The following IQCM variants were observed in gnomAD, a reference collection of about 807,000 sequenced individuals.
IQCM encodes the protein IQ motif containing M, also known as IQ domain-containing protein M.
In IQCM, 45 loss-of-function variants were observed where a neutral mutation model predicts 57.6. That is an observed-to-expected ratio of 0.78 (90% CI 0.62 to 1.00). The LOEUF (loss-of-function observed/expected upper bound fraction) is 1.00. IQCM is among the 50% of genes least tolerant of loss of function. The pLI, the probability that IQCM is intolerant of heterozygous loss-of-function variation, is 0.00. For synonymous variants in IQCM, 148 were observed against 158.9 expected (o/e 0.93, Z 0.51); for missense variants, 468 against 511.6 (o/e 0.91, Z 0.82).
intron 2 of IQCM, among the ~76,000 whole-genome samples, chr4:149,769,949 A>C (rs1770415091): frequency 6.6e-6 from 1 of 152,094 alleles, no homozygotes; most frequent in African/African-American, 2.4e-5. Context: ...TTATAGAATA[A>C]AAAGAATAGC....
intron 5 of IQCM, among the ~76,000 whole-genome samples, chr4:149,706,510 C>G (rs1378202178): frequency 6.6e-6 from 1 of 151,958 alleles, no homozygotes; most frequent in Non-Finnish European, 1.5e-5. Context: ...TTGATGTTAC[C>G]TGCTGATCTT....
chr4:149,644,202 G>C (rs1185133602), intron 7 of IQCM, among the ~76,000 whole-genome samples: 5 of 152,008 alleles, frequency 3.3e-5, no homozygotes, highest in Admixed American at 3.3e-4. Context: ...ATATAACACA[G>C]AGAAAAGCAT....
At chr4:149,545,063 A>C (rs1748253333) in intron 12 of IQCM, among the ~76,000 whole-genome samples, 2 of 152,164 alleles carry the variant, frequency 1.3e-5, no homozygotes, top group Non-Finnish European at 2.9e-5. Flanking sequence ...ACAGTTGGGC[A>C]CAGTGGCATG....
chr4:149,541,928 T>C (rs1747890070), intron 12 of IQCM, among the ~76,000 whole-genome samples: 1 of 152,110 alleles, frequency 6.6e-6, no homozygotes, highest in Non-Finnish European at 1.5e-5. Context: ...CTGGAGCTAT[T>C]ATACACAATC....
At chr4:149,429,817 C>A in intron 13 of IQCM, 1 of 388,090 alleles carries the variant, frequency 2.6e-6, no homozygotes, top group Non-Finnish European at 4.5e-6. Flanking sequence ...AATTTAATAA[C>A]CATGTAATTC....
intron 7 of IQCM, among the ~76,000 whole-genome samples, chr4:149,661,146 G>T (rs965433087): frequency 6.6e-6 from 1 of 151,986 alleles, no homozygotes; most frequent in East Asian, 1.9e-4. Flanking sequence ...TACTTAATTT[G>T]TTGAGAGTTT....
intron 9 of IQCM, among the ~76,000 whole-genome samples, chr4:149,580,931 C>G (rs1752120303): frequency 6.6e-6 from 1 of 151,586 alleles, no homozygotes; most frequent in Admixed American, 6.6e-5. Context: ...GTGTAAGGTG[C>G]TATTCTAATG....
At chr4:149,802,234 GA>G (rs537499045) in intron 2 of IQCM, among the ~76,000 whole-genome samples, 36 of 140,842 alleles carry the variant, frequency 2.6e-4, no homozygotes, top group East Asian at 8.2e-4. Flanking sequence ...GTGAAAGAGG[GA>G]AAAAAAAAAA....
intron 7 of IQCM, among the ~76,000 whole-genome samples, chr4:149,643,376 G>C (rs1579821531): frequency 6.6e-6 from 1 of 152,140 alleles, no homozygotes; most frequent in South Asian, 2.1e-4. Context: ...ATCACTTTGT[G>C]CTAAGTGTTA....
chr4:149,446,414 C>G (rs1202933220), intron 12 of IQCM, among the ~76,000 whole-genome samples: 1 of 151,674 alleles, frequency 6.6e-6, no homozygotes, highest in Non-Finnish European at 1.5e-5. Flanking sequence ...ATGAATAATA[C>G]TTAAATTTTT....
intron 7 of IQCM, among the ~76,000 whole-genome samples, chr4:149,659,616 C>G (rs1759982959): frequency 6.6e-6 from 1 of 152,138 alleles, no homozygotes; most frequent in South Asian, 2.1e-4. Context: ...CAGCATGGTA[C>G]TGGTACCAAA....
chr4:149,631,796 T>C (rs545808429), intron 7 of IQCM, among the ~76,000 whole-genome samples: 20 of 152,320 alleles, frequency 1.3e-4, no homozygotes. Flanking sequence ...ATTGTTTTTT[T>C]CTCCATATCA....
intron 7 of IQCM, among the ~76,000 whole-genome samples, chr4:149,669,236 A>G (rs1323859636): frequency 2.0e-5 from 3 of 152,106 alleles, no homozygotes; most frequent in Admixed American, 6.5e-5. Flanking sequence ...GTCAGTGATG[A>G]TGAGCATTTT....
At position 149,366,384 on chromosome 4, in the gene IQCM, A is replaced by T. The variant is rs753033674; in HGVS notation, c.1391-14318T>A. ...TATTTCAATCCTCTTTCCCAGCTAA[A>T]TTGGTCTACTCCTCTATGATCCTAC... On this transcript the variant is annotated intron_variant, in intron 13 of 13. Coordinates refer to ENST00000636793, the MANE Select transcript of IQCM (RefSeq NM_001363507.2). Among the ~76,000 whole-genome samples, 10 of 151,992 alleles carry T rather than the reference A, an allele frequency of 6.6e-5. No homozygotes were observed. In the South Asian group the frequency reaches 1.2e-3, roughly 19 times the overall value.
chr4:149,439,015 T>C (rs936149864), intron 12 of IQCM, among the ~76,000 whole-genome samples: 2 of 152,074 alleles, frequency 1.3e-5, no homozygotes, highest in African/African-American at 4.8e-5. Flanking sequence ...TGTTAAATTA[T>C]AGCAAATATT....
chr4:149,704,331 G>T (rs1231092975), intron 5 of IQCM, among the ~76,000 whole-genome samples: 1 of 151,840 alleles, frequency 6.6e-6, no homozygotes, highest in Non-Finnish European at 1.5e-5. Flanking sequence ...GGTTAGAACA[G>T]GGATTGGCAA....
At chr4:149,361,067 G>A (rs1175285333) in intron 13 of IQCM, among the ~76,000 whole-genome samples, 2 of 152,178 alleles carry the variant, frequency 1.3e-5, no homozygotes, top group Non-Finnish European at 2.9e-5. Flanking sequence ...GGGAACTGGA[G>A]TAAAGGTGAC....
chr4:149,655,205 C>T (rs1002350661), intron 7 of IQCM, among the ~76,000 whole-genome samples: 24 of 152,136 alleles, frequency 1.6e-4, no homozygotes, highest in African/African-American at 5.1e-4. Context: ...ACTGTATATT[C>T]AGTCTCTCTT....
At chr4:149,705,235 TTTC>T (rs1764068324) in intron 5 of IQCM, among the ~76,000 whole-genome samples, 1 of 147,136 alleles carries the variant, frequency 6.8e-6, no homozygotes, top group East Asian at 2.0e-4. Context: ...TATCCTACTG[TTTC>T]TTTTTATATA....
Sources: allele counts gnomAD v4.1 joint callset (sites outside exome capture counted in the v4.1 genomes callset), GRCh38; gene constraint gnomAD v4.1.1; transcripts MANE v1.5; gene names NCBI Gene and HGNC (gene_info 2026-07-23, HGNC 2026-07-21).